Variants in LEUTX observed in about 807,000 individuals in gnomAD.
LEUTX encodes paired-like homeodomain transcription factor LEUTX.
A neutral mutation model predicts 4.5 loss-of-function variants in LEUTX; 5 were observed. That is an observed-to-expected ratio of 1.11 (90% CI 0.58 to 2.34). The LOEUF is 2.34. Among genes scored for constraint, LEUTX ranks in the 30% most tolerant of loss-of-function variants. The probability of loss-of-function intolerance (pLI) is 0.01; values close to 1 mark genes in which losing one functional copy is unlikely to be tolerated. For synonymous variants in LEUTX, 89 were observed against 85.1 expected, an observed-to-expected ratio of 1.05 and a Z score of -0.25; for missense variants, 233 against 239.4, an observed-to-expected ratio of 0.97 and a Z score of 0.18.
intron 2 of LEUTX, 37 bp from the exon 3 acceptor site, chr19:39,785,661 A>T: frequency 6.7e-7 from 1 of 1,495,656 alleles, no homozygotes. Flanking sequence ...TTTATACTCA[A>T]CATCCATTAT....
intron 1 of LEUTX, among the ~76,000 whole-genome samples, chr19:39,781,252 C>T (rs1051864791): frequency 3.3e-5 from 5 of 152,046 alleles, no homozygotes; most frequent in Non-Finnish European, 7.4e-5. Flanking sequence ...CTTCACTGTG[C>T]GATAATTGGG....
At chr19:39,777,184 T>C (rs1967809386), upstream of LEUTX, among the ~76,000 whole-genome samples, 1 of 152,154 alleles carries the variant, frequency 6.6e-6, no homozygotes, top group South Asian at 2.1e-4. Context: ...CTCAGAGACA[T>C]CTTACCTTAC....
At chr19:39,783,654 C>T (rs996738766) in intron 1 of LEUTX, among the ~76,000 whole-genome samples, 6 of 151,898 alleles carry the variant, frequency 4.0e-5, no homozygotes, top group East Asian at 3.8e-4. Flanking sequence ...ACTGCATCCA[C>T]GCCAACATCT....
Position 39,784,678 on chromosome 19 carries a change from G to A in LEUTX, c.159G>A (p.Lys53=), listed in dbSNP as rs866067011. The change falls in exon 2 of 3, where the codon AAG becomes AAA. Residue 53 remains lysine, a splice_region_variant and synonymous_variant. Transcript: ENST00000638280. ...SKLQLDLSVV[K]IWFKNQRAKW... is the part of the protein sequence containing the mutation. ...TACAACTTGATCTATCCGTAGTAAA[G>A]GTCTGTTCCCAAGTGTGTCTGTAGG... 3 of 1,551,188 alleles carry A rather than the reference G, an allele frequency of 1.9e-6. No individual in the cohort carries two copies. In the African/African-American group the frequency reaches 4.1e-5, roughly 21 times the overall value.
upstream of LEUTX, chr19:39,778,791 A>C (rs1967838692): frequency 6.6e-6 from 1 of 152,006 alleles, no homozygotes; most frequent in East Asian, 1.9e-4. Flanking sequence ...AGGGTAGGAC[A>C]GGGTGGGGAC....
In LEUTX at chr19:39,785,876, A is replaced by G; in HGVS notation, c.338A>G (p.His113Arg). 1 of 1,551,800 alleles carries G rather than the reference A, an allele frequency of 6.4e-7. No homozygotes were observed. Among genetic ancestry groups the G allele is most frequent in the South Asian group, 1.2e-5 (1 of 84,066 alleles). ...CCTGGAATCTCTGATGCAAATGACCATGATCTACGTGAGCCTTCTGGTATC... is the reference window on the plus strand; with the variant it reads ...CCTGGAATCTCTGATGCAAATGACCGTGATCTACGTGAGCCTTCTGGTATC... ...VSPGISDANDHDLREPSGIKN... is the reference protein window; with the variant it reads ...VSPGISDANDRDLREPSGIKN... Residue 113 changes from histidine (H) to arginine (R), a missense_variant, in exon 3 of 3, where the codon CAT becomes CGT. Transcript: ENST00000638280.
At chr19:39,777,428 G>A (rs1967812133), upstream of LEUTX, among the ~76,000 whole-genome samples, 2 of 152,200 alleles carry the variant, frequency 1.3e-5, no homozygotes, top group Non-Finnish European at 2.9e-5. Flanking sequence ...GCAAACAAAT[G>A]AAGAAGTGTC....
chr19:39,784,772 A>G, intron 2 of LEUTX, 94 bp downstream of exon 2: 1 of 914,654 alleles, frequency 1.1e-6, no homozygotes, highest in Non-Finnish European at 1.7e-6. Context: ...TTTATTGGCA[A>G]TTGCTATGTG....
intron 1 of LEUTX, 123 bp from the exon 2 acceptor site, chr19:39,784,404 C>G: frequency 1.8e-6 from 1 of 547,224 alleles, no homozygotes. Flanking sequence ...GTCAGAGGGA[C>G]GGTCTAGGGC....
intron 1 of LEUTX, 146 bp downstream of exon 1, chr19:39,779,073 A>G (rs1050919324): frequency 6.6e-6 from 1 of 152,180 alleles, no homozygotes; most frequent in African/African-American, 2.4e-5. Context: ...GGATTGTTTG[A>G]AAAACACTTT....
chr19:39,778,085 T>C (rs780888325), upstream of LEUTX, among the ~76,000 whole-genome samples: 1 of 151,948 alleles, frequency 6.6e-6, no homozygotes, highest in African/African-American at 2.4e-5. Flanking sequence ...TGAATTACAC[T>C]CACCCCACAA....
chr19:39,783,490 A>G (rs1332084307), intron 1 of LEUTX, among the ~76,000 whole-genome samples: 1 of 151,448 alleles, frequency 6.6e-6, no homozygotes, highest in Non-Finnish European at 1.5e-5. Context: ...TTTTTGTATA[A>G]TGACTTATTT....
At chr19:39,777,762 T>A (rs8109068), upstream of LEUTX, among the ~76,000 whole-genome samples, 294 of 152,292 alleles carry the variant, frequency 1.9e-3, 2 homozygotes, top group African/African-American at 6.5e-3. Context: ...TGCAGTGAGC[T>A]ATGATGGCAC....
chr19:39,776,867 C>T (rs1316997432), upstream of LEUTX, among the ~76,000 whole-genome samples: 1 of 152,016 alleles, frequency 6.6e-6, no homozygotes, highest in African/African-American at 2.4e-5. Flanking sequence ...AGCGAGACCC[C>T]ATCTCAAAAA....
At position 39,784,537 on chromosome 19, in the gene LEUTX, G is replaced by T. The variant is rs1967935549; in HGVS notation, c.18G>T (p.Arg6Ser). ...CTGTTCCCTCTGCAGAAGGGCCAAG[G>T]CGTTATCGTCGGCCACGCACAAGAT... MFEGPRRYRRPRTRFL... is the reference protein window; with the variant it reads MFEGPSRYRRPRTRFL... The change falls in exon 2 of 3, where the codon AGG becomes AGT. Residue 6 changes from arginine to serine, a missense_variant. Arg to Ser is a moderately radical substitution (Grantham distance 110). Coordinates refer to ENST00000638280, the MANE Select transcript of LEUTX (RefSeq NM_001382345.1). The T allele has an allele frequency of 1.9e-6, 2 of 1,061,374 alleles. No individual in the cohort carries two copies. Among genetic ancestry groups the T allele is most frequent in the Middle Eastern group, 2.0e-4 (1 of 5,076 alleles). 65.7% of individuals were successfully genotyped at this position (1,061,374 alleles called of 1,614,324 possible).
rs751166546 is a variant in LEUTX at position 39,785,923 on chromosome 19, G to T, written c.385G>T (p.Ala129Ser). Residue 129 changes from alanine to serine, a missense_variant, in exon 3 of 3, where the codon GCC (alanine) becomes TCC (serine). Transcript: ENST00000638280. ...TATCAAGAATCCTGGAGGAGCCAGC[G>T]CCTCTGCGAGGGTTTCATCCTGGGA... Reference protein sequence around the residue: ...SGIKNPGGASASARVSSWDSQ... With the variant: ...SGIKNPGGASSSARVSSWDSQ... 1.3e-6 allele frequency: 2 copies of T among 1,551,792 alleles called. No individual in the cohort carries two copies. Among genetic ancestry groups the T allele is most frequent in the Non-Finnish European group, 1.7e-6 (2 of 1,147,016 alleles).
At chr19:39,784,891 A>G (rs1967941209) in intron 2 of LEUTX, among the ~76,000 whole-genome samples, 1 of 152,206 alleles carries the variant, frequency 6.6e-6, no homozygotes, top group African/African-American at 2.4e-5. Context: ...TATAAACACA[A>G]GAGTTGGAAT....
upstream of LEUTX, chr19:39,776,664 A>T (rs890914814): frequency 5.0e-5 from 23 of 456,108 alleles, no homozygotes; most frequent in Non-Finnish European, 8.8e-5. Flanking sequence ...AATCTCAAGC[A>T]ACTTTCTCAA....
chr19:39,783,515 A>G (rs1476097455), intron 1 of LEUTX, among the ~76,000 whole-genome samples: 1 of 151,836 alleles, frequency 6.6e-6, no homozygotes, highest in African/African-American at 2.4e-5. Flanking sequence ...CTGGGTAGAT[A>G]GCCAGTAGTT....
Sources: gnomAD v4.1 joint callset for allele counts (sites outside exome capture counted in the v4.1 genomes callset) on GRCh38, gnomAD v4.1.1 for gene constraint, MANE v1.5 for transcripts, NCBI Gene and HGNC (gene_info 2026-07-23, HGNC 2026-07-21) for gene names.